The following FUBP1 variants were observed in gnomAD, a reference collection of about 807,000 sequenced individuals.
FUBP1 encodes the protein far upstream element binding protein 1.
In FUBP1, 16 loss-of-function variants were observed where a neutral mutation model predicts 94.9. The ratio of observed to expected loss-of-function variants is 0.17; its 90% CI spans 0.11 to 0.26. FUBP1 has a LOEUF of 0.26. Among genes scored for constraint, FUBP1 ranks in the 10% least tolerant of loss-of-function variants. FUBP1 has a pLI of 1.00. For missense variants in FUBP1, 583 were observed against 808.6 expected (o/e 0.72, Z 3.38); for synonymous variants, 279 against 254.9 (o/e 1.09, Z -0.90).
chr1:77,961,261 G>T (rs1226039101), intron 14 of FUBP1, among the ~76,000 whole-genome samples: 1 of 152,102 alleles, frequency 6.6e-6, no homozygotes, highest in Non-Finnish European at 1.5e-5. Context: ...AACACAACCA[G>T]GCGACATGTT....
Position 77,947,813 on chromosome 1 carries a change from C to T in FUBP1, c.*953G>A, listed in dbSNP as rs1045068833. The T allele has an allele frequency of 1.1e-5, 11 of 1,027,814 alleles. No individual in the cohort carries two copies. The highest frequency in any genetic ancestry group is 1.4e-5 in the Non-Finnish European group (11 of 804,302). 63.7% of individuals were successfully genotyped at this position (1,027,814 alleles called of 1,614,324 possible). A position where few individuals can be genotyped will look rare whatever the true frequency, so the allele number is the denominator to read the frequency against. ...AAAAAAAGCTTGAACGTTTCCATAC[C>T]CCATTTATGTTTCAATGGCAGATGC... On this transcript the variant is annotated 3_prime_UTR_variant, in exon 20 of 20. Coordinates refer to ENST00000370768, the MANE Select transcript of FUBP1 (RefSeq NM_003902.5).
At chr1:77,955,117 A>T (rs1654205189) in intron 18 of FUBP1, 138 bp downstream of exon 18, 1 of 564,688 alleles carries the variant, frequency 1.8e-6, no homozygotes, top group Non-Finnish European at 3.1e-6. Flanking sequence ...ATATAACCAC[A>T]AATTTAAAAA....
chr1:77,959,870 A>G (rs938920823), intron 16 of FUBP1, among the ~76,000 whole-genome samples: 3 of 152,344 alleles, frequency 2.0e-5, no homozygotes, highest in East Asian at 1.9e-4. Context: ...TAATGTCACA[A>G]TGAACATACT....
At chr1:77,975,357 A>T (rs1658399545) in intron 1 of FUBP1, among the ~76,000 whole-genome samples, 1 of 152,130 alleles carries the variant, frequency 6.6e-6, no homozygotes, top group Non-Finnish European at 1.5e-5. Flanking sequence ...CTGTCACAAA[A>T]TGATTTAAAA....
intron 18 of FUBP1, among the ~76,000 whole-genome samples, chr1:77,952,439 A>T (rs1164657578): frequency 6.6e-6 from 1 of 151,726 alleles, no homozygotes; most frequent in Non-Finnish European, 1.5e-5. Flanking sequence ...TTCTGTTCTT[A>T]ACAAGAAAAA....
chr1:77,963,012 T>C (rs1457951980), intron 13 of FUBP1, 82 bp from the exon 14 acceptor site: 9 of 843,626 alleles, frequency 1.1e-5, no homozygotes, highest in East Asian at 5.0e-5. Context: ...CACAATTAAA[T>C]GGGCCATTAA....
chr1:77,963,806 A>C, intron 12 of FUBP1, 91 bp from the exon 13 acceptor site: 56 of 1,037,188 alleles, frequency 5.4e-5, no homozygotes, highest in Non-Finnish European at 7.7e-5. Flanking sequence ...CCCAGCTCTC[A>C]TATACCTGAA....
chr1:77,948,761 T>A lies in FUBP1; in HGVS notation c.*5A>T. ...TGAAGCAAATACTGTATTGTCCACT[T>A]CTTATTATTGGCCCTGTGCAGAAGA... On this transcript the variant is annotated 3_prime_UTR_variant, in exon 20 of 20. Coordinates refer to ENST00000370768, the MANE Select transcript of FUBP1 (RefSeq NM_003902.5). 1 of 1,609,488 alleles carries A rather than the reference T, an allele frequency of 6.2e-7. No homozygotes were observed. The highest frequency in any genetic ancestry group is 8.5e-7 in the Non-Finnish European group (1 of 1,176,130).
chr1:77,963,177 T>G lies in FUBP1; in HGVS notation c.1184-247A>C, dbSNP rs1234607867. Among the ~76,000 whole-genome samples the G allele has an allele frequency of 5.9e-5, 9 of 152,324 alleles. No homozygotes were observed. The South Asian group carries it at 1.9e-3, about 32-fold the overall frequency. On this transcript the variant is annotated intron_variant, in intron 13 of 19. Coordinates refer to ENST00000370768, the MANE Select transcript of FUBP1 (RefSeq NM_003902.5). ...ATGTTTAAACATAAACTTAATGTGA[T>G]TATAATAAAATATTTGAATTAACTG... is the stretch of plus-strand genomic sequence containing the variant.
chr1:77,975,416 TAA>T (rs144726257), intron 1 of FUBP1, among the ~76,000 whole-genome samples: 1 of 143,416 alleles, frequency 7.0e-6, no homozygotes. Flanking sequence ...CTGATGGAAA[TAA>T]AAAAAAAAAC....
intron 17 of FUBP1, 109 bp from the exon 18 acceptor site, chr1:77,955,438 G>C (rs1654266348): frequency 1.5e-6 from 1 of 678,942 alleles, no homozygotes; most frequent in Admixed American, 2.4e-5. Flanking sequence ...TGACAGTGAG[G>C]GTAGGAGGGA....
chr1:77,950,221 T>C (rs111442519), intron 18 of FUBP1, among the ~76,000 whole-genome samples: 1 of 152,290 alleles, frequency 6.6e-6, no homozygotes, highest in African/African-American at 2.4e-5. Flanking sequence ...AGTGCAGCGG[T>C]GCAATCATGG....
chr1:77,974,110 C>A (rs903705774), intron 1 of FUBP1, among the ~76,000 whole-genome samples: 2 of 151,568 alleles, frequency 1.3e-5, no homozygotes, highest in African/African-American at 4.8e-5. Context: ...CAGGCAAGCA[C>A]CACCACGTCT....
chr1:77,948,520 G>T lies in FUBP1; in HGVS notation c.*246C>A. On this transcript the variant is annotated 3_prime_UTR_variant, in exon 20 of 20. Coordinates refer to ENST00000370768, the MANE Select transcript of FUBP1 (RefSeq NM_003902.5). ...CAACCACATAATTGCAAATACATTT[G>T]CTGGAATGTGTACATCTACACTAAA... 8.1e-7 allele frequency: 1 copy of T among 1,233,202 alleles called. No individual in the cohort carries two copies. Among genetic ancestry groups the T allele is most frequent in the Admixed American group, 4.0e-5 (1 of 25,078 alleles). 76.4% of individuals were successfully genotyped at this position (1,233,202 alleles called of 1,614,324 possible). A position where few individuals can be genotyped will look rare whatever the true frequency, so the allele number is the denominator to read the frequency against.
intron 1 of FUBP1, among the ~76,000 whole-genome samples, chr1:77,972,143 A>C (rs1425531874): frequency 6.6e-6 from 1 of 152,196 alleles, no homozygotes; most frequent in Non-Finnish European, 1.5e-5. Flanking sequence ...TAATGCCTGA[A>C]AACACTGCTT....
At chr1:77,961,751 G>A (rs1410856054) in intron 14 of FUBP1, among the ~76,000 whole-genome samples, 1 of 152,204 alleles carries the variant, frequency 6.6e-6, no homozygotes, top group Admixed American at 6.5e-5. Context: ...CCTGACGCAT[G>A]CATGTTAGGC....
chr1:77,961,254 A>C (rs189048980), intron 14 of FUBP1, among the ~76,000 whole-genome samples: 4 of 152,234 alleles, frequency 2.6e-5, no homozygotes, highest in African/African-American at 9.6e-5. Flanking sequence ...AGTAGTTAAC[A>C]CAACCAGGCG....
chr1:77,973,012 T>TAAA (rs59664058), intron 1 of FUBP1, among the ~76,000 whole-genome samples: 1 of 134,738 alleles, frequency 7.4e-6, no homozygotes, highest in Non-Finnish European at 1.6e-5. Context: ...CTCCATCTCT[T>TAAA]AAAAAAAAAA....
chr1:77,958,713 C>T (rs1176698575), intron 16 of FUBP1, among the ~76,000 whole-genome samples: 1 of 152,206 alleles, frequency 6.6e-6, no homozygotes, highest in Non-Finnish European at 1.5e-5. Flanking sequence ...ACTTCCACTT[C>T]TTATTCCCAT....
Sources: allele counts gnomAD v4.1 joint callset (sites outside exome capture counted in the v4.1 genomes callset), GRCh38; gene constraint gnomAD v4.1.1; transcripts MANE v1.5; gene names NCBI Gene and HGNC (gene_info 2026-07-23, HGNC 2026-07-21).